Variants in SOX5 observed in about 807,000 individuals in gnomAD.
SOX5 encodes transcription factor SOX-5.
A neutral mutation model predicts 92.0 loss-of-function variants in SOX5; 9 were observed. That is an observed-to-expected ratio of 0.10 (90% CI 0.06 to 0.17). The LOEUF (loss-of-function observed/expected upper bound fraction) is 0.17, where lower values mean the gene tolerates loss of function less well. Among genes scored for constraint, SOX5 ranks in the 10% least tolerant of loss-of-function variants. The pLI, the probability that SOX5 is intolerant of heterozygous loss-of-function variation, is 1.00. For missense variants in SOX5, 642 were observed against 944.5 expected, an observed-to-expected ratio of 0.68 and a Z score of 4.20; for synonymous variants, 344 against 336.3, an observed-to-expected ratio of 1.02 and a Z score of -0.25.
At chr12:24,453,939 T>C (rs1322782095) in intron 1 of SOX5, among the ~76,000 whole-genome samples, 1 of 152,208 alleles carries the variant, frequency 6.6e-6, no homozygotes. Context: ...TTTTCTTGTA[T>C]ACTATAGATA....
chr12:24,243,714 G>A (rs1937965451), intron 3 of SOX5, among the ~76,000 whole-genome samples: 1 of 152,056 alleles, frequency 6.6e-6, no homozygotes, highest in African/African-American at 2.4e-5. Context: ...GTATACATGT[G>A]ATTATGTACT....
intron 3 of SOX5, among the ~76,000 whole-genome samples, chr12:23,822,861 C>A (rs905142682): frequency 9.9e-5 from 15 of 152,080 alleles, no homozygotes; most frequent in African/African-American, 3.6e-4. Context: ...TGCATTGATC[C>A]CTTTACCGTT....
chr12:23,784,964 T>C (rs754841670), intron 3 of SOX5, among the ~76,000 whole-genome samples: 1 of 152,146 alleles, frequency 6.6e-6, no homozygotes, highest in African/African-American at 2.4e-5. Flanking sequence ...TGCATGTAGT[T>C]CCAGCTACTT....
chr12:24,342,570 G>A (rs538591344), intron 2 of SOX5, among the ~76,000 whole-genome samples: 6 of 151,956 alleles, frequency 3.9e-5, no homozygotes, highest in South Asian at 2.1e-4. Flanking sequence ...ATATCCAATC[G>A]GCCACTAATT....
intron 3 of SOX5, among the ~76,000 whole-genome samples, chr12:23,791,548 T>A (rs776105552): frequency 2.6e-5 from 4 of 152,158 alleles, no homozygotes; most frequent in Non-Finnish European, 2.9e-5. Flanking sequence ...CCTGCAGACA[T>A]AAAGGCCATA....
intron 1 of SOX5, among the ~76,000 whole-genome samples, chr12:24,421,693 T>A (rs1965940982): frequency 6.6e-6 from 1 of 152,202 alleles, no homozygotes; most frequent in Non-Finnish European, 1.5e-5. Flanking sequence ...AAAAATCAAA[T>A]ATGATACAAA....
Position 24,287,060 on chromosome 12 carries a change from G to A in SOX5, c.-173-9748C>T, listed in dbSNP as rs112377337. Among the ~76,000 whole-genome samples the A allele has an allele frequency of 3.0e-3, 462 of 152,230 alleles. 6 individuals carry two copies. The highest frequency in any genetic ancestry group is 8.4e-3 in the African/African-American group (350 of 41,550). On this transcript the variant is annotated intron_variant, in intron 2 of 4. Transcript: ENST00000446891. ...AGCTTTAAGACCCATCCTAAACTGAGACTAAATTATTCTAGTCCCCGAAGT... is the reference window on the plus strand; with the variant it reads ...AGCTTTAAGACCCATCCTAAACTGAAACTAAATTATTCTAGTCCCCGAAGT...
chr12:24,387,317 A>T (rs1007810126), intron 1 of SOX5, among the ~76,000 whole-genome samples: 11 of 152,208 alleles, frequency 7.2e-5, no homozygotes, highest in African/African-American at 2.4e-4. Flanking sequence ...AATGTGGCCC[A>T]ATACAAATTT....
intron 1 of SOX5, among the ~76,000 whole-genome samples, chr12:24,399,020 A>T (rs1960806514): frequency 6.6e-6 from 1 of 152,204 alleles, no homozygotes; most frequent in Non-Finnish European, 1.5e-5. Flanking sequence ...TTAATTTTAG[A>T]CCACAGCAGC....
At chr12:24,495,051 T>C (rs1947479060) in intron 1 of SOX5, among the ~76,000 whole-genome samples, 1 of 152,234 alleles carries the variant, frequency 6.6e-6, no homozygotes, top group Non-Finnish European at 1.5e-5. Flanking sequence ...ACTTTTGTTA[T>C]AAATTTGTTC....
At chr12:24,253,105 AAAAAG>A (rs142404597) in intron 3 of SOX5, among the ~76,000 whole-genome samples, 3,295 of 152,010 alleles carry the variant, frequency 0.022, 59 homozygotes, top group South Asian at 0.07. Context: ...AGAAAGACAA[AAAAAG>A]AAAAGAGGGA....
intron 3 of SOX5, among the ~76,000 whole-genome samples, chr12:24,241,336 A>T (rs1265006986): frequency 6.6e-6 from 1 of 152,218 alleles, no homozygotes; most frequent in Non-Finnish European, 1.5e-5. Context: ...TGATTTCATT[A>T]CAAAAGCCTC....
intron 1 of SOX5, among the ~76,000 whole-genome samples, chr12:23,900,254 T>G (rs1287474428): frequency 6.6e-6 from 1 of 152,180 alleles, no homozygotes; most frequent in Non-Finnish European, 1.5e-5. Context: ...AAAAGCAACT[T>G]GCTTTTACAG....
chr12:23,952,695 A>G (rs186218091), upstream of SOX5, among the ~76,000 whole-genome samples: 77 of 152,318 alleles, frequency 5.1e-4, 1 homozygote, highest in East Asian at 0.012. Context: ...TTGCCAAATA[A>G]TGATCATCCT....
intron 4 of SOX5, among the ~76,000 whole-genome samples, chr12:24,180,422 T>C (rs1039867934): frequency 2.0e-5 from 3 of 152,194 alleles, no homozygotes; most frequent in African/African-American, 7.2e-5. Flanking sequence ...TAACATGAAT[T>C]AGTCCCCAGA....
At chr12:23,577,176 C>CATATATATATAT (rs1254455034) in intron 9 of SOX5, among the ~76,000 whole-genome samples, 4 of 76,962 alleles carry the variant, frequency 5.2e-5, no homozygotes, top group Admixed American at 2.0e-4. Context: ...CACACACACA[C>CATATATATATAT]ATATATATAT....
chr12:24,179,059 A>G (rs374959361), intron 4 of SOX5, among the ~76,000 whole-genome samples: 4 of 152,254 alleles, frequency 2.6e-5, no homozygotes, highest in Admixed American at 6.5e-5. Flanking sequence ...CATAAAAATG[A>G]TATCAGCGGG....
chr12:23,943,414 A>C (rs1944008055), intron 1 of SOX5, among the ~76,000 whole-genome samples: 1 of 152,082 alleles, frequency 6.6e-6, no homozygotes, highest in Non-Finnish European at 1.5e-5. Flanking sequence ...AATAAACCTA[A>C]ATGTCTCCAG....
intron 1 of SOX5, among the ~76,000 whole-genome samples, chr12:23,917,477 G>C (rs1029478545): frequency 6.6e-6 from 1 of 151,998 alleles, no homozygotes; most frequent in Non-Finnish European, 1.5e-5. Context: ...CGCTTGAGCC[G>C]GGGAGGCAGA....
Sources: allele counts gnomAD v4.1 joint callset (sites outside exome capture counted in the v4.1 genomes callset), GRCh38; gene constraint gnomAD v4.1.1; transcripts MANE v1.5; gene names NCBI Gene and HGNC (gene_info 2026-07-23, HGNC 2026-07-21).